The following GRID2 variants were observed in gnomAD, a reference collection of about 807,000 sequenced individuals.
GRID2 encodes the protein glutamate receptor ionotropic, delta-2.
A neutral mutation model predicts 114.8 loss-of-function variants in GRID2; 33 were observed. That is an observed-to-expected ratio of 0.29 (90% CI 0.22 to 0.38). The LOEUF is 0.38. Ranked by LOEUF, GRID2 falls within the 10% of genes least tolerant of loss-of-function variation. The pLI, the probability that GRID2 is intolerant of heterozygous loss-of-function variation, is 1.00. For missense variants in GRID2, 1,184 were observed against 1,257.7 expected (o/e 0.94, Z 0.89); for synonymous variants, 505 against 449.9 (o/e 1.12, Z -1.55).
intron 2 of GRID2, among the ~76,000 whole-genome samples, chr4:92,835,401 A>T (rs1035065609): frequency 1.3e-5 from 2 of 152,186 alleles, no homozygotes; most frequent in Non-Finnish European, 2.9e-5. Context: ...GCATGTAAGA[A>T]TATTATAAAA....
At chr4:93,121,571 T>C (rs1357703632) in intron 4 of GRID2, among the ~76,000 whole-genome samples, 1 of 152,196 alleles carries the variant, frequency 6.6e-6, no homozygotes, top group Non-Finnish European at 1.5e-5. Context: ...TGATGATTTT[T>C]TTACAGTTTT....
At chr4:93,131,287 G>A (rs528712191) in intron 4 of GRID2, among the ~76,000 whole-genome samples, 147 of 150,842 alleles carry the variant, frequency 9.7e-4, no homozygotes, top group African/African-American at 3.4e-3. Context: ...CTGAGTTGCT[G>A]GGACTACAGG....
chr4:93,711,924 G>C (rs984503821), intron 14 of GRID2, among the ~76,000 whole-genome samples: 2 of 152,102 alleles, frequency 1.3e-5, no homozygotes, highest in South Asian at 2.1e-4. Context: ...TGTACCGTTT[G>C]GTATTCCTAT....
chr4:92,445,496 G>T (rs1368521661), intron 1 of GRID2, among the ~76,000 whole-genome samples: 2 of 152,216 alleles, frequency 1.3e-5, no homozygotes, highest in Non-Finnish European at 2.9e-5. Context: ...GTATACAGCT[G>T]AAAGAGTGTT....
At chr4:92,363,668 T>C (rs956829893) in intron 1 of GRID2, among the ~76,000 whole-genome samples, 1 of 152,000 alleles carries the variant, frequency 6.6e-6, no homozygotes, top group African/African-American at 2.4e-5. Flanking sequence ...TATTTTATAC[T>C]GAATTGAAAT....
intron 4 of GRID2, among the ~76,000 whole-genome samples, chr4:93,163,193 T>C (rs1737850331): frequency 6.6e-6 from 1 of 151,536 alleles, no homozygotes; most frequent in Non-Finnish European, 1.5e-5. Context: ...TAAATACATA[T>C]ACAAATTATA....
At chr4:92,955,877 C>T (rs1017842338) in intron 2 of GRID2, among the ~76,000 whole-genome samples, 1 of 152,030 alleles carries the variant, frequency 6.6e-6, no homozygotes, top group Non-Finnish European at 1.5e-5. Flanking sequence ...ATAGGGAATC[C>T]TTTCCCCATT....
rs192777160 is a variant in GRID2 at position 93,649,817 on chromosome 4, G to A, written c.2360+23382G>A. On this transcript the variant is annotated intron_variant, in intron 14 of 15. Transcript: ENST00000282020. ...TCAGTCTTGTGTAATTCTTTCTGTC[G>A]CATAACTTTATAACTCCAAAATCCT... Among the ~76,000 whole-genome samples the A allele has an allele frequency of 3.4e-3, 523 of 152,058 alleles. 8 individuals are homozygous for A. The highest frequency in any genetic ancestry group is 0.03 in the Admixed American group (458 of 15,264).
intron 1 of GRID2, among the ~76,000 whole-genome samples, chr4:92,589,830 T>C (rs750019908): frequency 6.6e-6 from 1 of 152,192 alleles, no homozygotes; most frequent in Non-Finnish European, 1.5e-5. Context: ...TGATATAAGA[T>C]ATCCAATGTA....
chr4:92,957,268 G>C (rs1183228163), intron 2 of GRID2, among the ~76,000 whole-genome samples: 1 of 151,858 alleles, frequency 6.6e-6, no homozygotes, highest in Non-Finnish European at 1.5e-5. Context: ...TTATGTTGTA[G>C]GAGTTTAATA....
intron 2 of GRID2, among the ~76,000 whole-genome samples, chr4:93,080,663 G>A (rs1357869638): frequency 6.6e-6 from 1 of 152,182 alleles, no homozygotes; most frequent in Non-Finnish European, 1.5e-5. Flanking sequence ...AGCACTTTGA[G>A]GATAGAACCT....
chr4:92,659,310 C>T (rs899430350), intron 2 of GRID2, among the ~76,000 whole-genome samples: 2 of 151,470 alleles, frequency 1.3e-5, no homozygotes, highest in Non-Finnish European at 3.0e-5. Flanking sequence ...TTAGAGCCTG[C>T]ATTTAAAGGA....
intron 1 of GRID2, among the ~76,000 whole-genome samples, chr4:92,571,494 G>A (rs1376858967): frequency 6.6e-6 from 1 of 152,014 alleles, no homozygotes; most frequent in East Asian, 1.9e-4. Context: ...AGTTAACAAG[G>A]ATATCCAGGA....
In GRID2 at chr4:92,679,369, G is replaced by C. The variant is rs541651566; in HGVS notation, c.244+89083G>C. On this transcript the variant is annotated intron_variant, in intron 2 of 15. Transcript: ENST00000282020. ...CCTTGTTGCTGTTAATAGCAGAGCAGCATTTTTTTCTTAGTCACCATTTCT... is the reference window on the plus strand; with the variant it reads ...CCTTGTTGCTGTTAATAGCAGAGCACCATTTTTTTCTTAGTCACCATTTCT... 5.9e-5 allele frequency among the ~76,000 whole-genome samples: 9 copies of C among 152,062 alleles called. No homozygotes were observed. The South Asian group carries it at 1.9e-3, about 32-fold the overall frequency.
intron 1 of GRID2, among the ~76,000 whole-genome samples, chr4:92,584,308 A>T (rs1728320952): frequency 6.6e-6 from 1 of 152,078 alleles, no homozygotes; most frequent in African/African-American, 2.4e-5. Context: ...AAAAAATGTT[A>T]TAAATCTCTT....
At chr4:93,011,389 G>T (rs2149231824) in intron 2 of GRID2, among the ~76,000 whole-genome samples, 1 of 152,086 alleles carries the variant, frequency 6.6e-6, no homozygotes, top group East Asian at 1.9e-4. Context: ...CCTGCCAGTA[G>T]TGATAAAAAA....
chr4:93,006,703 TGAA>T (rs1721570535), intron 2 of GRID2, among the ~76,000 whole-genome samples: 1 of 151,616 alleles, frequency 6.6e-6, no homozygotes. Context: ...ACAATGTTCA[TGAA>T]GAAGAAATCT....
rs530746122 is a variant in GRID2 at position 92,952,810 on chromosome 4, G to A, written c.245-132185G>A. ...GTAATTGAATGTATTCGTTTCCTACGACTGCCATAACACAATATCACAAAT... is the reference window on the plus strand; with the variant it reads ...GTAATTGAATGTATTCGTTTCCTACAACTGCCATAACACAATATCACAAAT... On this transcript the variant is annotated intron_variant, in intron 2 of 15. Transcript: ENST00000282020. 1.3e-4 allele frequency among the ~76,000 whole-genome samples: 20 copies of A among 152,080 alleles called. No individual in the cohort carries two copies. The East Asian group carries it at 2.3e-3, about 18-fold the overall frequency.
rs1405422052 is a variant in GRID2 at position 92,931,685 on chromosome 4, A to T, written c.245-153310A>T. ...CTAGAGTAACCAAAATAACCTGGATAAAAAAAAAAAAGTTTGAATACTTAA... is the reference window on the plus strand; with the variant it reads ...CTAGAGTAACCAAAATAACCTGGATTAAAAAAAAAAAGTTTGAATACTTAA... On this transcript the variant is annotated intron_variant, in intron 2 of 15. Transcript: ENST00000282020. Among the ~76,000 whole-genome samples, 23 of 142,272 alleles carry T rather than the reference A, an allele frequency of 1.6e-4. No homozygotes were observed. In the South Asian group the frequency reaches 1.8e-3, roughly 11 times the overall value. 93.3% of individuals were successfully genotyped at this position (142,272 alleles called of 152,430 possible).
Sources: gnomAD v4.1 joint callset for allele counts (sites outside exome capture counted in the v4.1 genomes callset) on GRCh38, gnomAD v4.1.1 for gene constraint, MANE v1.5 for transcripts, NCBI Gene and HGNC (gene_info 2026-07-23, HGNC 2026-07-21) for gene names.